POLN: variants seen among roughly 807,000 people sequenced by gnomAD.
The protein encoded by POLN is DNA polymerase N.
In POLN, 108 loss-of-function variants were observed where a neutral mutation model predicts 113.5. The ratio of observed to expected loss-of-function variants is 0.95; its 90% CI spans 0.81 to 1.12. POLN has a LOEUF of 1.12. POLN is among the 50% of genes most tolerant of loss of function. The probability of loss-of-function intolerance (pLI) is 0.00; values close to 1 mark genes in which losing one functional copy is unlikely to be tolerated. For synonymous variants in POLN, 386 were observed against 391.5 expected (o/e 0.99, Z 0.17); for missense variants, 1,097 against 1,077.1 (o/e 1.02, Z -0.26).
At position 2,131,234 on chromosome 4, in the gene POLN, T is replaced by A. The variant is rs200632734; in HGVS notation, c.1788A>T (p.Lys596Asn). The A allele has an allele frequency of 5.1e-6, 8 of 1,582,140 alleles. No homozygotes were observed. The highest frequency in any genetic ancestry group is 6.9e-6 in the Non-Finnish European group (8 of 1,153,078). The change falls in exon 17 of 26, where the codon AAA becomes AAT. Residue 596 changes from lysine to asparagine, a missense_variant and splice_region_variant. Lys to Asn is a moderately conservative substitution (Grantham distance 94). Transcript: ENST00000511885. ...PIQITTPKNF[K>N]GKEDKILTIS... is the part of the protein sequence containing the mutation. ...GCAAGGTAGTAAGAAATGAGTTACCTTTAAAATTCTTAGGTGTAGTAATCT... is the reference window on the plus strand; with the variant it reads ...GCAAGGTAGTAAGAAATGAGTTACCATTAAAATTCTTAGGTGTAGTAATCT...
At chr4:2,079,330 C>T in intron 23 of POLN, 2 of 771,460 alleles carry the variant, frequency 2.6e-6, no homozygotes, top group Non-Finnish European at 3.2e-6. Context: ...TGCTCATATC[C>T]TGGGAGAAGC....
intron 6 of POLN, among the ~76,000 whole-genome samples, chr4:2,196,315 T>C (rs1415589814): frequency 1.7e-4 from 26 of 152,136 alleles, no homozygotes. Flanking sequence ...TAGGAAGTGC[T>C]GCGCAAAACA....
chr4:2,236,294 A>T, intron 2 of POLN: 2 of 1,613,778 alleles, frequency 1.2e-6, no homozygotes, highest in Non-Finnish European at 1.7e-6. Context: ...CCACATCCTT[A>T]TTCCGTTTGG....
intron 19 of POLN, among the ~76,000 whole-genome samples, chr4:2,119,345 G>T (rs189034384): frequency 1.3e-5 from 2 of 152,292 alleles, no homozygotes; most frequent in African/African-American, 4.8e-5. Context: ...CTTGAAGAAG[G>T]CGCCTTAATG....
chr4:2,142,215 T>G (rs1732020205), intron 16 of POLN, among the ~76,000 whole-genome samples: 1 of 152,272 alleles, frequency 6.6e-6, no homozygotes, highest in South Asian at 2.1e-4. Context: ...GTTTCTGCTG[T>G]GCCCTTTCAC....
At chr4:2,173,011 G>C (rs1362328844) in intron 11 of POLN, among the ~76,000 whole-genome samples, 1 of 152,212 alleles carries the variant, frequency 6.6e-6, no homozygotes, top group Non-Finnish European at 1.5e-5. Context: ...GATGTAGAAG[G>C]CTGGGTAAAA....
intron 19 of POLN, among the ~76,000 whole-genome samples, chr4:2,106,884 T>G (rs1166252427): frequency 2.0e-5 from 3 of 152,164 alleles, no homozygotes; most frequent in Admixed American, 2.0e-4. Context: ...GCATTATTTT[T>G]GCATCATAAA....
chr4:2,117,393 C>T (rs1731343406), intron 19 of POLN, among the ~76,000 whole-genome samples: 2 of 152,146 alleles, frequency 1.3e-5, no homozygotes, highest in Admixed American at 1.3e-4. Context: ...CTTTTCTCCC[C>T]CTTGTACACA....
intron 20 of POLN, 122 bp downstream of exon 20, chr4:2,095,727 CAG>C: frequency 1.2e-6 from 1 of 850,850 alleles, no homozygotes; most frequent in Non-Finnish European, 2.0e-6. Flanking sequence ...CAGGTGTCAT[CAG>C]AGCATAAACA....
chr4:2,157,873 T>C lies in POLN; in HGVS notation c.1650A>G (p.Leu550=). ...KIKSTFVDGL[L]ACMKKGSISS... is the part of the protein sequence containing the mutation. ...AGCTTGTTACCTTTTTCATGCAAGCTAGTAATCCATCTACAAAGGTTGACT... is the reference window on the plus strand; with the variant it reads ...AGCTTGTTACCTTTTTCATGCAAGCCAGTAATCCATCTACAAAGGTTGACT... Residue 550 remains leucine (L), a synonymous_variant, in exon 15 of 26, where the codon CTA becomes CTG. Transcript: ENST00000511885. The C allele has an allele frequency of 6.2e-7, 1 of 1,608,412 alleles. No individual in the cohort carries two copies. The highest frequency in any genetic ancestry group is 1.7e-5 in the Admixed American group (1 of 59,848).
rs141338821 is a variant in POLN, at chr4:2,168,634, G to A, written c.1554+2045C>T. ...AGGGAAGGGAGTTGCAAAGGGAAGGGCAACAGTGCCAGCTGGTGCCAGGAC... is the reference window on the plus strand; with the variant it reads ...AGGGAAGGGAGTTGCAAAGGGAAGGACAACAGTGCCAGCTGGTGCCAGGAC... On this transcript the variant is annotated intron_variant, in intron 13 of 25. Transcript: ENST00000511885. Among the ~76,000 whole-genome samples the A allele has an allele frequency of 2.8e-3, 428 of 152,358 alleles. 4 individuals are homozygous for A. The highest frequency in any genetic ancestry group is 9.7e-3 in the African/African-American group (402 of 41,588).
intron 6 of POLN, among the ~76,000 whole-genome samples, chr4:2,196,268 T>G (rs1577761836): frequency 6.6e-6 from 1 of 152,314 alleles, no homozygotes; most frequent in East Asian, 1.9e-4. Context: ...GCCATCCAAC[T>G]GCATCACAGA....
At chr4:2,175,614 A>C (rs969176689) in intron 9 of POLN, among the ~76,000 whole-genome samples, 1 of 152,004 alleles carries the variant, frequency 6.6e-6, no homozygotes, top group Non-Finnish European at 1.5e-5. Flanking sequence ...CATTGTTTTT[A>C]GTTTTCCTGC....
chr4:2,163,649 T>C (rs1220258683), intron 13 of POLN, among the ~76,000 whole-genome samples: 1 of 152,222 alleles, frequency 6.6e-6, no homozygotes, highest in Non-Finnish European at 1.5e-5. Context: ...CGTATCGCAA[T>C]CAACAGGGAG....
At chr4:2,194,779 C>T (rs1490414041) in intron 6 of POLN, among the ~76,000 whole-genome samples, 1 of 152,048 alleles carries the variant, frequency 6.6e-6, no homozygotes, top group Non-Finnish European at 1.5e-5. Context: ...AAAGTCCTAG[C>T]TACTGGGGTG....
At chr4:2,188,550 G>A (rs950370145) in intron 7 of POLN, among the ~76,000 whole-genome samples, 12 of 151,254 alleles carry the variant, frequency 7.9e-5, no homozygotes, top group African/African-American at 1.7e-4. Flanking sequence ...GCAGTGAGCC[G>A]AGATTGCGCC....
At chr4:2,182,268 A>G (rs1031573878) in intron 7 of POLN, among the ~76,000 whole-genome samples, 1 of 152,220 alleles carries the variant, frequency 6.6e-6, no homozygotes, top group Non-Finnish European at 1.5e-5. Flanking sequence ...CTTTGCAGAT[A>G]CAATTATGGT....
Position 2,157,896 on chromosome 4 carries a change from A to G in POLN, c.1627T>C (p.Ser543Pro). 6.2e-7 allele frequency: 1 copy of G among 1,607,764 alleles called. No individual in the cohort carries two copies. The highest frequency in any genetic ancestry group is 8.5e-7 in the Non-Finnish European group (1 of 1,175,332). The change falls in exon 15 of 26, where the codon TCA (serine) becomes CCA (proline). Residue 543 changes from serine to proline, a missense_variant. By Grantham distance (74) the Ser-to-Pro change is moderately conservative. Transcript: ENST00000511885. ...LEYRQVHKIKSTFVDGLLACM... is the reference protein window; with the variant it reads ...LEYRQVHKIKPTFVDGLLACM... ...GCTAGTAATCCATCTACAAAGGTTG[A>G]CTTGATCTTGTGAACCTAAGGTGGA... is the stretch of plus-strand genomic sequence containing the variant.
chr4:2,191,127 A>C (rs1733429387), intron 7 of POLN, among the ~76,000 whole-genome samples: 1 of 152,252 alleles, frequency 6.6e-6, no homozygotes, highest in Admixed American at 6.5e-5. Context: ...GTCCATCAAC[A>C]GATAAATAAA....
Sources: gnomAD v4.1 joint callset for allele counts (sites outside exome capture counted in the v4.1 genomes callset) on GRCh38, gnomAD v4.1.1 for gene constraint, MANE v1.5 for transcripts, NCBI Gene and HGNC (gene_info 2026-07-23, HGNC 2026-07-21) for gene names.